The following CRPPA variants were observed in gnomAD, a reference collection of about 807,000 sequenced individuals.
CRPPA encodes D-ribitol-5-phosphate cytidylyltransferase.
In CRPPA, 43 loss-of-function variants were observed where a neutral mutation model predicts 52.0. The observed-to-expected ratio is 0.83, with a 90% CI of 0.65 to 1.07. The LOEUF is 1.07. Ranked by LOEUF, CRPPA falls within the 50% of genes least tolerant of loss-of-function variation. The probability of loss-of-function intolerance (pLI) is 0.00; values close to 1 mark genes in which losing one functional copy is unlikely to be tolerated. For synonymous variants in CRPPA, 250 were observed against 203.5 expected, an observed-to-expected ratio of 1.23 and a Z score of -1.94; for missense variants, 629 against 551.7, an observed-to-expected ratio of 1.14 and a Z score of -1.40.
chr7:16,334,888 A>G (rs1785640435), intron 3 of CRPPA, among the ~76,000 whole-genome samples: 1 of 152,196 alleles, frequency 6.6e-6, no homozygotes, highest in Non-Finnish European at 1.5e-5. Context: ...ACACATAGGC[A>G]TCAATGTAAA....
Position 16,166,725 on chromosome 7 carries a change from C to T in CRPPA, c.1251+49341G>A, listed in dbSNP as rs925515397. 5.3e-5 allele frequency among the ~76,000 whole-genome samples: 8 copies of T among 152,280 alleles called. No individual in the cohort carries two copies. The East Asian group carries it at 1.5e-3, about 30-fold the overall frequency. The stretch of plus-strand genomic sequence containing the variant: ...TGCCAAGTGTAAATTCTCCTGATGA[C>T]TTTTCAGGACTCTTACATCACGATC... On this transcript the variant is annotated intron_variant, in intron 9 of 9. Coordinates refer to ENST00000407010, the MANE Select transcript of CRPPA (RefSeq NM_001101426.4).
intron 8 of CRPPA, among the ~76,000 whole-genome samples, chr7:16,225,491 T>C (rs1782623164): frequency 6.6e-6 from 1 of 151,944 alleles, no homozygotes; most frequent in Non-Finnish European, 1.5e-5. Flanking sequence ...TTTAGCTAAC[T>C]ATAAAACATA....
intron 5 of CRPPA, among the ~76,000 whole-genome samples, chr7:16,283,155 C>G (rs959426995): frequency 1.3e-5 from 2 of 151,398 alleles, no homozygotes; most frequent in African/African-American, 4.8e-5. Flanking sequence ...ACAAAAGGGT[C>G]TATCATATAT....
chr7:16,267,202 G>A (rs912261764), intron 6 of CRPPA, among the ~76,000 whole-genome samples: 1 of 152,148 alleles, frequency 6.6e-6, no homozygotes, highest in Non-Finnish European at 1.5e-5. Context: ...CTACAAGCCA[G>A]ACACTAAATT....
In CRPPA at chr7:16,352,119, T is replaced by C. The variant is rs186989945; in HGVS notation, c.684+23973A>G. Among the ~76,000 whole-genome samples, 863 of 152,242 alleles carry C rather than the reference T, an allele frequency of 5.7e-3. 5 individuals are homozygous for C. Among genetic ancestry groups the C allele is most frequent in the Non-Finnish European group, 9.2e-3 (623 of 68,026 alleles). On this transcript the variant is annotated intron_variant, in intron 3 of 9. Transcript: ENST00000407010. ...TGAGTTCATGTCCTTTGCAGGGACA[T>C]GAATGAAACTGGAAACCATCATTCT...
At chr7:16,187,617 T>A (rs908234401) in intron 9 of CRPPA, among the ~76,000 whole-genome samples, 1 of 152,222 alleles carries the variant, frequency 6.6e-6, no homozygotes, top group Non-Finnish European at 1.5e-5. Flanking sequence ...ATAACACAAT[T>A]ATAAATGTCC....
chr7:16,382,611 C>G lies in CRPPA; in HGVS notation c.535-6370G>C, dbSNP rs1334307913. ...TTTTCCAACTTGGTTCCATTCTCCC[C>G]GTCACTTTCAGGTACACCAATCAGA... On this transcript the variant is annotated intron_variant, in intron 2 of 9. Coordinates refer to ENST00000407010, the MANE Select transcript of CRPPA (RefSeq NM_001101426.4). 2.0e-5 allele frequency among the ~76,000 whole-genome samples: 3 copies of G among 151,972 alleles called. No individual in the cohort carries two copies. In the South Asian group the frequency reaches 6.2e-4, roughly 31 times the overall value.
intron 8 of CRPPA, among the ~76,000 whole-genome samples, chr7:16,247,327 T>C (rs1783303229): frequency 6.6e-6 from 1 of 152,194 alleles, no homozygotes; most frequent in African/African-American, 2.4e-5. Context: ...TCCTTTCACT[T>C]GAACACACAG....
chr7:16,265,833 C>A (rs113811692), intron 6 of CRPPA, among the ~76,000 whole-genome samples: 1 of 152,156 alleles, frequency 6.6e-6, no homozygotes. Flanking sequence ...GTATTATCAT[C>A]ATCCTCATGT....
At position 16,091,876 on chromosome 7, in the gene CRPPA, T is replaced by C. The variant is rs1426292011; in HGVS notation, c.1252-77A>G. On this transcript the variant is annotated intron_variant, in intron 9 of 9. Coordinates refer to ENST00000407010, the MANE Select transcript of CRPPA (RefSeq NM_001101426.4). ...GTTAAGTTTGATAAAAAGCCACTTT[T>C]CAAGATCTGCTGCGGTCTGGATTTG... 2.5e-6 allele frequency: 2 copies of C among 811,076 alleles called. 1 individual carries two copies. The highest frequency in any genetic ancestry group is 4.3e-5 in the South Asian group (2 of 46,320). 50.2% of individuals were successfully genotyped at this position (811,076 alleles called of 1,614,324 possible). A position where few individuals can be genotyped will look rare whatever the true frequency, so the allele number is the denominator to read the frequency against.
intron 3 of CRPPA, among the ~76,000 whole-genome samples, chr7:16,356,472 C>T (rs1472412858): frequency 6.6e-6 from 1 of 152,176 alleles, no homozygotes; most frequent in Non-Finnish European, 1.5e-5. Flanking sequence ...CCTCTGACTG[C>T]TCTGCTTTAT....
intron 3 of CRPPA, among the ~76,000 whole-genome samples, chr7:16,328,141 G>A (rs926127694): frequency 3.3e-5 from 5 of 152,166 alleles, no homozygotes; most frequent in African/African-American, 7.2e-5. Flanking sequence ...TCTTTAGGGA[G>A]ATAACATCTT....
chr7:16,372,676 C>G (rs1470598891), intron 3 of CRPPA, among the ~76,000 whole-genome samples: 1 of 152,064 alleles, frequency 6.6e-6, no homozygotes, highest in Non-Finnish European at 1.5e-5. Context: ...ATAAATAGAA[C>G]AGTACCTCAC....
chr7:16,147,159 G>C (rs1782989755), intron 9 of CRPPA, among the ~76,000 whole-genome samples: 1 of 152,068 alleles, frequency 6.6e-6, no homozygotes, highest in Non-Finnish European at 1.5e-5. Flanking sequence ...CACTATGATT[G>C]TGAGGCCTCC....
chr7:16,216,566 G>T, intron 8 of CRPPA: 1 of 216,272 alleles, frequency 4.6e-6, no homozygotes, highest in South Asian at 6.4e-5. Flanking sequence ...GACAGTGGGC[G>T]CAGGTCAGTG....
intron 9 of CRPPA, among the ~76,000 whole-genome samples, chr7:16,143,713 T>C (rs2128376559): frequency 6.6e-6 from 1 of 152,202 alleles, no homozygotes; most frequent in South Asian, 2.1e-4. Flanking sequence ...GAAAGAGCAA[T>C]GGAATAAGAA....
At chr7:16,394,389 A>G (rs1329703352) in intron 2 of CRPPA, among the ~76,000 whole-genome samples, 1 of 152,190 alleles carries the variant, frequency 6.6e-6, no homozygotes, top group African/African-American at 2.4e-5. Context: ...TTTTAAAATC[A>G]TATAAACATA....
intron 8 of CRPPA, 104 bp downstream of exon 8, chr7:16,258,286 G>T: frequency 1.6e-6 from 1 of 634,534 alleles, no homozygotes; most frequent in East Asian, 3.0e-5. Flanking sequence ...TTTCTTTTGA[G>T]TATGGGTCAA....
intron 6 of CRPPA, among the ~76,000 whole-genome samples, chr7:16,262,715 G>A (rs751685766): frequency 2.0e-5 from 3 of 152,030 alleles, no homozygotes; most frequent in Non-Finnish European, 2.9e-5. Context: ...ATTCTCCTTG[G>A]CTCTCACACT....
Sources: allele counts gnomAD v4.1 joint callset (sites outside exome capture counted in the v4.1 genomes callset), GRCh38; gene constraint gnomAD v4.1.1; transcripts MANE v1.5; gene names NCBI Gene and HGNC (gene_info 2026-07-23, HGNC 2026-07-21).